The following KCNK4 variants were observed in gnomAD, a reference collection of about 807,000 sequenced individuals.
KCNK4 encodes potassium channel subfamily K member 4.
KCNK4 carries 22 observed loss-of-function variants against 28.8 expected under a neutral mutation model. The ratio of observed to expected loss-of-function variants is 0.76; its 90% CI spans 0.55 to 1.09. The LOEUF is 1.09. Among genes scored for constraint, KCNK4 ranks in the 50% least tolerant of loss-of-function variants. KCNK4 has a pLI of 0.00. For missense variants in KCNK4, 483 were observed against 546.3 expected, an observed-to-expected ratio of 0.88 and a Z score of 1.15; for synonymous variants, 263 against 252.9, an observed-to-expected ratio of 1.04 and a Z score of -0.38.
At chr11:64,294,884 C>T (rs1392704115) in intron 2 of KCNK4, among the ~76,000 whole-genome samples, 2 of 151,288 alleles carry the variant, frequency 1.3e-5, no homozygotes, top group Non-Finnish European at 2.9e-5. Flanking sequence ...TCTGGCCAGA[C>T]CACAGGGCAG....
chr11:64,293,051 G>T lies in KCNK4; in HGVS notation c.33G>T (p.Ala11=), dbSNP rs1268012842. The T allele has an allele frequency of 6.5e-7, 1 of 1,548,166 alleles. No homozygotes were observed. The highest frequency in any genetic ancestry group is 8.7e-7 in the Non-Finnish European group (1 of 1,146,054). The change falls in exon 2 of 7, where the codon GCG becomes GCT. Residue 11 remains alanine, a synonymous_variant. Transcript: ENST00000422670. Reference sequence around the variant, plus strand: ...GCACCACGCTCCTGGCCCTGCTGGCGCTGGTCTTGCTTTACTTGGTGTCTG... The same window carrying T: ...GCACCACGCTCCTGGCCCTGCTGGCTCTGGTCTTGCTTTACTTGGTGTCTG... MRSTTLLALL[A]LVLLYLVSGA... is the part of the protein sequence containing the mutation.
chr11:64,295,577 CG>C (rs2034743613), intron 2 of KCNK4, among the ~76,000 whole-genome samples: 1 of 151,764 alleles, frequency 6.6e-6, no homozygotes, highest in Non-Finnish European at 1.5e-5. Flanking sequence ...TTAGCTATTT[CG>C]CTTCTTGCTT....
rs929154844 is a variant in KCNK4, at chr11:64,299,957, C to T, written c.*231C>T. ...CCGGGCGGGTGTATCCCTCACAGCACCTCACGACTGTGCCTCAAAGCCTGC... is the reference window on the plus strand; with the variant it reads ...CCGGGCGGGTGTATCCCTCACAGCATCTCACGACTGTGCCTCAAAGCCTGC... On this transcript the variant is annotated 3_prime_UTR_variant, in exon 7 of 7. Transcript: ENST00000422670. The T allele has an allele frequency of 2.0e-5, 14 of 701,552 alleles. No individual in the cohort carries two copies. The highest frequency in any genetic ancestry group is 3.1e-5 in the Non-Finnish European group (13 of 426,024). The allele number at this position is 701,552 out of a possible 1,614,324, so 43.5% of individuals were successfully genotyped here. A position where few individuals can be genotyped will look rare whatever the true frequency, so the allele number is the denominator to read the frequency against.
intron 6 of KCNK4, among the ~76,000 whole-genome samples, chr11:64,298,542 C>T (rs981645820): frequency 1.3e-5 from 2 of 152,054 alleles, no homozygotes; most frequent in Non-Finnish European, 2.9e-5. Flanking sequence ...ATTAGCCCTG[C>T]GTGGTGGTGT....
rs755722400 is a variant in KCNK4, at chr11:64,298,069, C to G, written c.662-41C>G. Reference sequence around the variant, plus strand: ...CTGAACCAGAGCTCACAGGCTTGCCCCACAATCCAATTCTTTCTACCTTCC... The same window carrying G: ...CTGAACCAGAGCTCACAGGCTTGCCGCACAATCCAATTCTTTCTACCTTCC... On this transcript the variant is annotated intron_variant, in intron 5 of 6. Coordinates refer to ENST00000422670, the MANE Select transcript of KCNK4 (RefSeq NM_033310.3). The G allele has an allele frequency of 1.9e-6, 3 of 1,604,308 alleles. No individual in the cohort carries two copies. The Admixed American group carries it at 5.1e-5, about 27-fold the overall frequency.
intron 2 of KCNK4, among the ~76,000 whole-genome samples, chr11:64,294,180 C>T (rs2034710316): frequency 1.3e-5 from 2 of 152,098 alleles, no homozygotes; most frequent in Non-Finnish European, 2.9e-5. Flanking sequence ...GGGGGTGCGT[C>T]AGGGTTCCCT....
rs780789890 is a variant in KCNK4 at position 64,297,621 on chromosome 11, T to C, written c.629T>C (p.Leu210Pro). ...LEAIYFVIVT[L>P]TTVGFGDYVA... ...GCCATCTACTTTGTCATAGTGACGCTTACCACCGTGGGCTTTGGCGACTAT... is the reference window on the plus strand; with the variant it reads ...GCCATCTACTTTGTCATAGTGACGCCTACCACCGTGGGCTTTGGCGACTAT... The change falls in exon 5 of 7, where the codon CTT (leucine) becomes CCT (proline). Residue 210 changes from leucine to proline, a missense_variant. Physicochemically the swap from Leu to Pro is moderately conservative, Grantham distance 98. Coordinates refer to ENST00000422670, the MANE Select transcript of KCNK4 (RefSeq NM_033310.3). 3.7e-6 allele frequency: 6 copies of C among 1,613,132 alleles called. No individual in the cohort carries two copies. Among genetic ancestry groups the C allele is most frequent in the Non-Finnish European group, 5.1e-6 (6 of 1,179,246 alleles).
chr11:64,294,049 G>A (rs746878396), intron 2 of KCNK4, among the ~76,000 whole-genome samples: 8 of 152,102 alleles, frequency 5.3e-5, no homozygotes, highest in Non-Finnish European at 1.0e-4. Context: ...CCCTCCCCCT[G>A]GAAAAGTGTG....
At chr11:64,295,714 G>A (rs1413494807) in intron 2 of KCNK4, among the ~76,000 whole-genome samples, 1 of 152,012 alleles carries the variant, frequency 6.6e-6, no homozygotes, top group Non-Finnish European at 1.5e-5. Flanking sequence ...GGACCAGTTT[G>A]AAAAAAGGAA....
chr11:64,298,338 C>A, intron 6 of KCNK4, 89 bp downstream of exon 6: 1 of 1,516,564 alleles, frequency 6.6e-7, no homozygotes, highest in Non-Finnish European at 8.9e-7. Context: ...TGTCTCCTAT[C>A]CAGGGCGTGG....
rs199605319 is a variant in KCNK4, at chr11:64,293,678, G to A, written c.189+471G>A. On this transcript the variant is annotated intron_variant, in intron 2 of 6. Transcript: ENST00000422670. ...TGCAGTGGTGTGATCTCAGCTCACA[G>A]CAACCTCCGCCTCCCAGACTCAAGT... Among the ~76,000 whole-genome samples the A allele has an allele frequency of 1.5e-3, 231 of 152,194 alleles. 1 individual carries two copies. The South Asian group carries it at 0.024, about 16-fold the overall frequency.
chr11:64,292,277 G>A (rs901839491), intron 1 of KCNK4, among the ~76,000 whole-genome samples: 9 of 152,156 alleles, frequency 5.9e-5, no homozygotes, highest in Non-Finnish European at 8.8e-5. Context: ...GGGGGCTGTC[G>A]CCCCGGTGTG....
At chr11:64,292,133 CG>C in intron 1 of KCNK4, 1 of 987,134 alleles carries the variant, frequency 1.0e-6, no homozygotes, top group South Asian at 3.9e-5. Flanking sequence ...GTGCGTGCAG[CG>C]GGGCGGCGCG....
At chr11:64,298,026 G>A in intron 5 of KCNK4, 84 bp from the exon 6 acceptor site, 1 of 1,518,020 alleles carries the variant, frequency 6.6e-7, no homozygotes, top group Non-Finnish European at 8.9e-7. Context: ...GTCCTCTCCA[G>A]GAACTGGGAG....
chr11:64,297,616 G>A lies in KCNK4; in HGVS notation c.624G>A (p.Val208=). 6.2e-7 allele frequency: 1 copy of A among 1,613,840 alleles called. No individual in the cohort carries two copies. The highest frequency in any genetic ancestry group is 8.5e-7 in the Non-Finnish European group (1 of 1,179,806). The part of the protein sequence containing the change: ...SKLEAIYFVI[V]TLTTVGFGDY... The stretch of plus-strand genomic sequence containing the variant: ...TGGAGGCCATCTACTTTGTCATAGT[G>A]ACGCTTACCACCGTGGGCTTTGGCG... Residue 208 remains valine (V), a synonymous_variant, in exon 5 of 7, where the codon GTG becomes GTA. Coordinates refer to ENST00000422670, the MANE Select transcript of KCNK4 (RefSeq NM_033310.3).
At chr11:64,298,316 G>A (rs992028810) in intron 6 of KCNK4, 67 bp downstream of exon 6, 1 of 1,582,856 alleles carries the variant, frequency 6.3e-7, no homozygotes, top group Admixed American at 1.7e-5. Flanking sequence ...CCTAGCAGGG[G>A]GTTGATCAGG....
intron 2 of KCNK4, 70 bp downstream of exon 2, chr11:64,293,277 G>T (rs2034685823): frequency 2.2e-6 from 3 of 1,373,984 alleles, no homozygotes; most frequent in Admixed American, 3.4e-5. Context: ...TGCCAGTGAG[G>T]CCCTGTGCCA....
intron 6 of KCNK4, 122 bp downstream of exon 6, chr11:64,298,371 G>C: frequency 1.6e-6 from 2 of 1,218,036 alleles, no homozygotes; most frequent in Non-Finnish European, 2.3e-6. Flanking sequence ...GGGGCTGAGT[G>C]AGCCTCTGTG....
chr11:64,293,885 G>A (rs576720775), intron 2 of KCNK4, among the ~76,000 whole-genome samples: 1 of 152,246 alleles, frequency 6.6e-6, no homozygotes, highest in South Asian at 2.1e-4. Context: ...GCAGACATGA[G>A]CCACCACACC....
Sources: allele counts gnomAD v4.1 joint callset (sites outside exome capture counted in the v4.1 genomes callset), GRCh38; gene constraint gnomAD v4.1.1; transcripts MANE v1.5; gene names NCBI Gene and HGNC (gene_info 2026-07-23, HGNC 2026-07-21).